SLC16A12: variants seen among roughly 807,000 people sequenced by gnomAD.
The protein encoded by SLC16A12 is solute carrier family 16 member 12.
A neutral mutation model predicts 42.4 loss-of-function variants in SLC16A12; 17 were observed. The observed-to-expected ratio is 0.40, with a 90% CI of 0.27 to 0.60. SLC16A12 has a LOEUF of 0.60. SLC16A12 is among the 20% of genes least tolerant of loss of function. The probability of loss-of-function intolerance (pLI) is 0.42; values close to 1 mark genes in which losing one functional copy is unlikely to be tolerated. For missense variants in SLC16A12, 544 were observed against 623.0 expected (o/e 0.87, Z 1.35); for synonymous variants, 224 against 229.4 (o/e 0.98, Z 0.21).
intron 2 of SLC16A12, among the ~76,000 whole-genome samples, chr10:89,520,716 A>G (rs1256974569): frequency 2.3e-5 from 2 of 87,088 alleles, no homozygotes; most frequent in African/African-American, 1.2e-4. Context: ...TGGGTCACAT[A>G]GGCCAAAAAA....
intron 2 of SLC16A12, among the ~76,000 whole-genome samples, chr10:89,554,531 G>T (rs555367244): frequency 6.6e-6 from 1 of 152,190 alleles, no homozygotes; most frequent in African/African-American, 2.4e-5. Context: ...GGTTGAACAG[G>T]TTTGTTTTTT....
chr10:89,519,331 C>T (rs978280605), intron 2 of SLC16A12, among the ~76,000 whole-genome samples: 8 of 151,976 alleles, frequency 5.3e-5, no homozygotes, highest in South Asian at 2.1e-4. Context: ...AATTTACCCA[C>T]GGAACAAACC....
intron 2 of SLC16A12, among the ~76,000 whole-genome samples, chr10:89,543,471 A>G (rs866984016): frequency 2.0e-5 from 3 of 152,326 alleles, no homozygotes; most frequent in Middle Eastern, 3.4e-3. Context: ...CCTCATTTAT[A>G]AAATGAACAT....
chr10:89,446,052 A>G (rs1050310783), intron 3 of SLC16A12, among the ~76,000 whole-genome samples: 1 of 152,202 alleles, frequency 6.6e-6, no homozygotes, highest in African/African-American at 2.4e-5. Flanking sequence ...AGAGAAGTTT[A>G]GAGAAAAAAG....
intron 2 of SLC16A12, among the ~76,000 whole-genome samples, chr10:89,466,981 A>T (rs563608070): frequency 6.6e-6 from 1 of 152,178 alleles, no homozygotes; most frequent in Non-Finnish European, 1.5e-5. Context: ...TCAAGAGTCT[A>T]CCTACACCTG....
At chr10:89,477,175 T>C (rs1004495058) in intron 2 of SLC16A12, among the ~76,000 whole-genome samples, 5 of 152,190 alleles carry the variant, frequency 3.3e-5, no homozygotes, top group African/African-American at 1.2e-4. Flanking sequence ...TCCACCTCCC[T>C]CTAGTTTGGA....
chr10:89,508,204 ACTCAG>A (rs1843099232), intron 2 of SLC16A12, among the ~76,000 whole-genome samples: 1 of 152,160 alleles, frequency 6.6e-6, no homozygotes, highest in Non-Finnish European at 1.5e-5. Flanking sequence ...CAGGACTTAA[ACTCAG>A]CTCTGGACCA....
At chr10:89,523,534 T>A (rs1843395983) in intron 2 of SLC16A12, among the ~76,000 whole-genome samples, 1 of 152,242 alleles carries the variant, frequency 6.6e-6, no homozygotes, top group African/African-American at 2.4e-5. Flanking sequence ...TGAGTTTCCA[T>A]GATAGGAGTC....
chr10:89,550,963 T>C (rs1169062940), intron 2 of SLC16A12, among the ~76,000 whole-genome samples: 1 of 152,212 alleles, frequency 6.6e-6, no homozygotes, highest in African/African-American at 2.4e-5. Flanking sequence ...TCCAGCACCT[T>C]GTAAGTTACC....
upstream of SLC16A12, among the ~76,000 whole-genome samples, chr10:89,539,636 C>T (rs552046154): frequency 6.6e-6 from 1 of 152,146 alleles, no homozygotes; most frequent in Non-Finnish European, 1.5e-5. Flanking sequence ...GTGTCCAGGT[C>T]AAGATAGAAG....
At chr10:89,513,545 T>A (rs961002787) in intron 2 of SLC16A12, among the ~76,000 whole-genome samples, 3 of 152,256 alleles carry the variant, frequency 2.0e-5, no homozygotes, top group African/African-American at 7.2e-5. Flanking sequence ...CACTTGCATC[T>A]GTAATGAATT....
Position 89,552,167 on chromosome 10 carries a change from C to T in SLC16A12, c.-47+3715G>A, listed in dbSNP as rs145101422. On this transcript the variant is annotated intron_variant, in intron 2 of 2. Coordinates refer to the SLC16A12 transcript ENST00000475682. Reference sequence around the variant, plus strand: ...GCCGGGCTGGTCTTGAACTCCTGACCTTTTGATCTTCCCACCTTGGCCTCC... The same window carrying T: ...GCCGGGCTGGTCTTGAACTCCTGACTTTTTGATCTTCCCACCTTGGCCTCC... 2.1e-3 allele frequency among the ~76,000 whole-genome samples: 327 copies of T among 152,264 alleles called. 2 individuals are homozygous for T. Among genetic ancestry groups the T allele is most frequent in the African/African-American group, 7.4e-3 (306 of 41,550 alleles).
intron 2 of SLC16A12, among the ~76,000 whole-genome samples, chr10:89,500,071 A>G (rs1842972006): frequency 6.6e-6 from 1 of 152,192 alleles, no homozygotes; most frequent in Non-Finnish European, 1.5e-5. Flanking sequence ...ATTCCTGGAA[A>G]GATACAACCT....
At position 89,531,767 on chromosome 10, in the gene SLC16A12, T is replaced by C. The variant is rs529868023; in HGVS notation, c.-47+2734A>G. 3.3e-5 allele frequency among the ~76,000 whole-genome samples: 5 copies of C among 152,334 alleles called. No individual in the cohort carries two copies. The South Asian group carries it at 1.0e-3, about 32-fold the overall frequency. ...AAAAAGAGGCAAGGATGTGCTGCCA[T>C]AAAGATAGGTATATCCTCTGCCTCT... On this transcript the variant is annotated intron_variant, in intron 2 of 7. Coordinates refer to ENST00000371790, the MANE Select transcript of SLC16A12 (RefSeq NM_213606.4).
rs1255586436 is a variant in SLC16A12 at position 89,432,714 on chromosome 10, G to A, written c.*350C>T. ...AGGGAACATGAAGGGCCTGAGACTG[G>A]AACAAAGCTGCTGCCCAGTGTCATC... On this transcript the variant is annotated 3_prime_UTR_variant, in exon 8 of 8. Transcript: ENST00000371790. 2 of 232,726 alleles carry A rather than the reference G, an allele frequency of 8.6e-6. No individual in the cohort carries two copies. The highest frequency in any genetic ancestry group is 1.7e-5 in the Non-Finnish European group (2 of 116,852). The allele number at this position is 232,726 out of a possible 1,614,324, so 14.4% of individuals were successfully genotyped here.
intron 2 of SLC16A12, among the ~76,000 whole-genome samples, chr10:89,517,169 G>A (rs1843267020): frequency 6.6e-6 from 1 of 152,166 alleles, no homozygotes. Flanking sequence ...AGGCTGCAGT[G>A]AGCTATAATT....
chr10:89,472,667 A>AT (rs1291210417), intron 2 of SLC16A12, among the ~76,000 whole-genome samples: 1 of 150,350 alleles, frequency 6.7e-6, no homozygotes, highest in Non-Finnish European at 1.5e-5. Flanking sequence ...TAATTTTTGT[A>AT]TTTTTAGTAG....
intron 2 of SLC16A12, among the ~76,000 whole-genome samples, chr10:89,507,976 CAAAG>C (rs773402543): frequency 2.6e-4 from 39 of 152,194 alleles, no homozygotes; most frequent in Non-Finnish European, 4.7e-4. Flanking sequence ...TCAAAAGAGA[CAAAG>C]AAGGCCATTA....
intron 4 of SLC16A12, 44 bp downstream of exon 4, chr10:89,443,712 T>C: frequency 7.4e-7 from 1 of 1,344,488 alleles, no homozygotes; most frequent in African/African-American, 1.4e-5. Context: ...CATATACAGT[T>C]CAAGAGTGGC....
Sources: allele counts gnomAD v4.1 joint callset (sites outside exome capture counted in the v4.1 genomes callset), GRCh38; gene constraint gnomAD v4.1.1; transcripts MANE v1.5; gene names NCBI Gene and HGNC (gene_info 2026-07-23, HGNC 2026-07-21).